Variants in L1CAM observed in about 807,000 individuals in gnomAD.
The protein encoded by L1CAM is neural cell adhesion molecule L1.
Under a neutral mutation model 93.0 loss-of-function variants are expected in L1CAM, and 8 were observed. The ratio of observed to expected loss-of-function variants is 0.09; its 90% CI spans 0.05 to 0.16. The LOEUF is 0.16. Ranked by LOEUF, L1CAM falls within the 10% of genes least tolerant of loss-of-function variation. L1CAM has a pLI of 1.00. For missense variants in L1CAM, 777 were observed against 1,073.4 expected (o/e 0.72, Z 3.86); for synonymous variants, 453 against 453.0 (o/e 1.00, Z 0.00).
intron 14 of L1CAM, 55 bp downstream of exon 14, chrX:153,868,247 G>A (rs2064733776): frequency 8.3e-7 from 1 of 1,207,009 alleles, no homozygotes; most frequent in Non-Finnish European, 1.1e-6. Flanking sequence ...GAGGCCAAGA[G>A]GTCTGGACTT....
At chrX:153,867,315 C>G in intron 17 of L1CAM, 41 bp downstream of exon 17, 1 of 1,127,782 alleles carries the variant, frequency 8.9e-7, no homozygotes, top group Non-Finnish European at 1.2e-6. Context: ...AGCCCGGAGC[C>G]CCTTCCAGGT....
chrX:153,885,293 C>A, intron 1 of L1CAM: 2 of 679,278 alleles, frequency 2.9e-6, no homozygotes, highest in Non-Finnish European at 2.1e-6. Context: ...CTGATGGACA[C>A]CCATGCACGG....
chrX:153,884,873 C>A, intron 1 of L1CAM, among the ~76,000 whole-genome samples: 1 of 113,113 alleles, frequency 8.8e-6, no homozygotes, highest in Non-Finnish European at 1.9e-5. Flanking sequence ...CACTGATTTA[C>A]GTCAGGGCCA....
At position 153,876,049 on chromosome X, in the gene L1CAM, C is replaced by T. The variant is rs1315416294; in HGVS notation, c.-108-105G>A. On this transcript the variant is annotated intron_variant, in intron 1 of 28. Coordinates refer to ENST00000370060, the MANE Select transcript of L1CAM (RefSeq NM_001278116.2). ...GTAAGCCCGGGCTCTTGGCCCCGCCCTCAGCCCCGCCCCCAGCTGGCCGGC... is the reference window on the plus strand; with the variant it reads ...GTAAGCCCGGGCTCTTGGCCCCGCCTTCAGCCCCGCCCCCAGCTGGCCGGC... 13 of 458,360 alleles carry T rather than the reference C, an allele frequency of 2.8e-5. No individual in the cohort carries two copies. The East Asian group carries it at 4.1e-4, about 14-fold the overall frequency. The allele number at this position is 458,360 out of a possible 1,213,427, so 37.8% of individuals were successfully genotyped here.
chrX:153,862,865 C>T lies in L1CAM; in HGVS notation c.3572G>A (p.Ser1191Asn). The T allele has an allele frequency of 8.3e-7, 1 of 1,211,998 alleles. No individual in the cohort carries two copies. The highest frequency in any genetic ancestry group is 1.1e-6 in the Non-Finnish European group (1 of 895,284). Residue 1191 changes from serine (S) to asparagine (N), a missense_variant, in exon 29 of 29, where the codon AGC becomes AAC. Ser to Asn is a conservative substitution (Grantham distance 46). This residue lies in a region of L1CAM where 110 missense variants were observed against 141.7 expected (regional missense o/e 0.78). Transcript: ENST00000370060. ...SDNEEKAFGSSQPSLNGDIKP... is the reference protein window; with the variant it reads ...SDNEEKAFGSNQPSLNGDIKP... ...GATGTCCCCGTTGAGCGATGGCTGGCTGCTGCCAAAGGCCTTCTCCTCGTT... is the reference window on the plus strand; with the variant it reads ...GATGTCCCCGTTGAGCGATGGCTGGTTGCTGCCAAAGGCCTTCTCCTCGTT...
chrX:153,865,690 C>A lies in L1CAM; in HGVS notation c.2547+14G>T, dbSNP rs200768561. On this transcript the variant is annotated intron_variant, in intron 20 of 28. Coordinates refer to ENST00000370060, the MANE Select transcript of L1CAM (RefSeq NM_001278116.2). ...GTGATCACCCTCCTGGGCCCCCATG[C>A]CTTCAACCCTTACATTGTATCCGCG... 7 of 1,158,867 alleles carry A rather than the reference C, an allele frequency of 6.0e-6. No individual in the cohort carries two copies. Among genetic ancestry groups the A allele is most frequent in the Non-Finnish European group, 8.3e-6 (7 of 847,993 alleles).
At chrX:153,866,187 C>T (rs1440242497) in intron 19 of L1CAM, among the ~76,000 whole-genome samples, 1 of 109,366 alleles carries the variant, frequency 9.1e-6, no homozygotes, top group Non-Finnish European at 1.9e-5. Context: ...GTGGCGCGTG[C>T]CTGTAATCCC....
rs1232974377 is a variant in L1CAM at position 153,864,463 on chromosome X, C to A, written c.3181G>T (p.Ala1061Ser). Residue 1061 changes from alanine to serine, a missense_variant, in exon 25 of 29, where the codon GCT (alanine) becomes TCT (serine). By Grantham distance (99) the Ala-to-Ser change is moderately conservative. This residue lies in a region of L1CAM where 18 missense variants were observed against 53.0 expected (regional missense o/e 0.34). Coordinates refer to ENST00000370060, the MANE Select transcript of L1CAM (RefSeq NM_001278116.2). ...FKALGEEKGG[A>S]SLSPQYVSYN... Reference sequence around the variant, plus strand: ...CTGACATACTGTGGCGAAAGGGAAGCCCCACCCTTCTCTTCTGCCAGGGAG... The same window carrying A: ...CTGACATACTGTGGCGAAAGGGAAGACCCACCCTTCTCTTCTGCCAGGGAG... The A allele has an allele frequency of 1.1e-5, 13 of 1,208,738 alleles. No homozygotes were observed. Among genetic ancestry groups the A allele is most frequent in the Non-Finnish European group, 1.5e-5 (13 of 893,852 alleles).
intron 11 of L1CAM, chrX:153,869,297 G>A (rs2064744995): frequency 2.1e-5 from 10 of 478,442 alleles, no homozygotes; most frequent in South Asian, 6.1e-5. Context: ...GTGGCACAGC[G>A]GTCCGCTCAG....
chrX:153,873,424 C>T (rs1557093811), intron 2 of L1CAM, among the ~76,000 whole-genome samples, 182 bp from the exon 3 acceptor site: 5 of 112,152 alleles, frequency 4.5e-5, no homozygotes. Context: ...GGAGCAGTGG[C>T]AGGTCAAGCC....
intron 4 of L1CAM, 104 bp from the exon 5 acceptor site, chrX:153,872,458 A>G: frequency 1.0e-6 from 1 of 956,928 alleles, no homozygotes; most frequent in South Asian, 2.0e-5. Context: ...CAGGGGATGG[A>G]CTGGGAGATG....
chrX:153,875,909 G>A lies in L1CAM; in HGVS notation c.-73C>T, dbSNP rs1265092915. The A allele has an allele frequency of 5.5e-5, 55 of 999,773 alleles. No homozygotes were observed. The highest frequency in any genetic ancestry group is 7.5e-5 in the Non-Finnish European group (54 of 719,294). 82.4% of individuals were successfully genotyped at this position (999,773 alleles called of 1,213,427 possible). A position where few individuals can be genotyped will look rare whatever the true frequency, so the allele number is the denominator to read the frequency against. ...CTCCGGCCGGAGGGGAAGGGGGCTG[G>A]TGGGCGGCTTGGGGCGGGAGTTGGG... is the stretch of plus-strand genomic sequence containing the variant. On this transcript the variant is annotated 5_prime_UTR_variant, in exon 2 of 29. Transcript: ENST00000370060.
rs148237445 is a variant in L1CAM, at chrX:153,868,119, G to A, written c.1707C>T (p.Tyr569=). 20 of 1,208,504 alleles carry A rather than the reference G, an allele frequency of 1.7e-5. No individual in the cohort carries two copies. Among genetic ancestry groups the A allele is most frequent in the Non-Finnish European group, 2.2e-5 (20 of 894,931 alleles). Residue 569 remains tyrosine (Y), a synonymous_variant, in exon 15 of 29, where the codon TAC becomes TAT. Coordinates refer to ENST00000370060, the MANE Select transcript of L1CAM (RefSeq NM_001278116.2). ...TGACCAGGCGCCCATCCTCTATGAA[G>A]TACCTGCGGAGGAGCCGTGTCTGTC... ...DLQELGDSDK[Y]FIEDGRLVIH...
Position 153,862,573 on chromosome X carries a change from G to T in L1CAM, c.*90C>A. ...GATCCGAGGCAGCAAGTTCTCCTCT[G>T]CCCCAACTCCAGCCTCCCATGGGCC... On this transcript the variant is annotated 3_prime_UTR_variant, in exon 29 of 29. Transcript: ENST00000370060. 1.3e-6 allele frequency: 1 copy of T among 745,749 alleles called. No individual in the cohort carries two copies. Among genetic ancestry groups the T allele is most frequent in the Non-Finnish European group, 2.0e-6 (1 of 505,265 alleles). 61.5% of individuals were successfully genotyped at this position (745,749 alleles called of 1,213,427 possible).
intron 1 of L1CAM, chrX:153,885,822 C>CG (rs1557096850): frequency 2.1e-6 from 1 of 465,256 alleles, no homozygotes; most frequent in Non-Finnish European, 2.5e-6. Flanking sequence ...GCATCTGGGG[C>CG]CCCGCAGGTT....
intron 1 of L1CAM, among the ~76,000 whole-genome samples, chrX:153,881,656 TG>T (rs2064845460): frequency 9.0e-6 from 1 of 111,311 alleles, no homozygotes; most frequent in Admixed American, 9.5e-5. Flanking sequence ...GCTGGTTTCT[TG>T]GTCCCCTCTT....
intron 28 of L1CAM, 61 bp downstream of exon 28, chrX:153,863,307 A>G: frequency 7.9e-6 from 9 of 1,139,019 alleles, no homozygotes; most frequent in Non-Finnish European, 1.1e-5. Flanking sequence ...ATGGCACACC[A>G]GGCGCACATT....
At chrX:153,877,477 G>A (rs1370085124) in intron 1 of L1CAM, among the ~76,000 whole-genome samples, 1 of 97,439 alleles carries the variant, frequency 1.0e-5, no homozygotes. Flanking sequence ...AAAAAAAAAA[G>A]TTAGCCTGGC....
At chrX:153,867,695 C>G in intron 16 of L1CAM, 105 bp downstream of exon 16, 1 of 979,982 alleles carries the variant, frequency 1.0e-6, no homozygotes, top group Non-Finnish European at 1.5e-6. Context: ...GTGAGTCCCC[C>G]CAAACCGTGT....
Sources: gnomAD v4.1 joint callset for allele counts (sites outside exome capture counted in the v4.1 genomes callset) on GRCh38, gnomAD v4.1.1 for gene constraint, gnomAD v4.1.1 regional missense constraint, MANE v1.5 for transcripts, NCBI Gene and HGNC (gene_info 2026-07-23, HGNC 2026-07-21) for gene names.